Variants in TCTN2 observed in about 807,000 individuals in gnomAD.
TCTN2 encodes tectonic-2.
In TCTN2, 66 loss-of-function variants were observed where a neutral mutation model predicts 83.4. The observed-to-expected ratio is 0.79, with a 90% confidence interval of 0.65 to 0.97. TCTN2 has a LOEUF of 0.97. TCTN2 is among the 50% of genes least tolerant of loss of function. TCTN2 has a pLI of 0.00. For synonymous variants in TCTN2, 301 were observed against 326.7 expected, an observed-to-expected ratio of 0.92 and a Z score of 0.85; for missense variants, 794 against 858.1, an observed-to-expected ratio of 0.93 and a Z score of 0.93.
At chr12:123,696,231 C>G in intron 11 of TCTN2, 184 bp from the exon 12 acceptor site, 1 of 603,380 alleles carries the variant, frequency 1.7e-6, no homozygotes. Context: ...AAATGTGAAG[C>G]ATTCTTTCTC....
At chr12:123,687,077 C>T (rs1022757409) in intron 6 of TCTN2, 42 bp downstream of exon 6, 2 of 1,611,634 alleles carry the variant, frequency 1.2e-6, no homozygotes, top group African/African-American at 2.7e-5. Flanking sequence ...CATTGTTCTC[C>T]CGCCCTGGTG....
intron 12 of TCTN2, 22 bp from the exon 13 acceptor site, chr12:123,697,065 G>A (rs769606016): frequency 6.4e-7 from 1 of 1,573,870 alleles, no homozygotes. Context: ...AGTAGCAAGA[G>A]GATAATCTTT....
At chr12:123,692,996 A>T (rs1419960801) in intron 9 of TCTN2, among the ~76,000 whole-genome samples, 1 of 148,612 alleles carries the variant, frequency 6.7e-6, no homozygotes, top group African/African-American at 2.5e-5. Context: ...CCTTTCCTTA[A>T]ATGTTTGATA....
intron 4 of TCTN2, among the ~76,000 whole-genome samples, chr12:123,676,239 C>T (rs1217144236): frequency 6.6e-6 from 1 of 151,918 alleles, no homozygotes; most frequent in Admixed American, 6.6e-5. Flanking sequence ...AGGATTGCTC[C>T]ATGTACTCCA....
At chr12:123,687,184 A>G (rs751456585) in intron 6 of TCTN2, 149 bp downstream of exon 6, 2 of 878,276 alleles carry the variant, frequency 2.3e-6, no homozygotes, top group East Asian at 2.5e-5. Context: ...GATTTCAGTT[A>G]GCCAATTTAT....
At chr12:123,696,265 C>G in intron 11 of TCTN2, 150 bp from the exon 12 acceptor site, 1 of 677,664 alleles carries the variant, frequency 1.5e-6, no homozygotes, top group Non-Finnish European at 2.7e-6. Flanking sequence ...TTTTTTGAGA[C>G]CCGAAGTTGC....
At chr12:123,671,426 C>T (rs1955749081) in intron 1 of TCTN2, 81 bp from the exon 2 acceptor site, 1 of 1,589,832 alleles carries the variant, frequency 6.3e-7, no homozygotes, top group Non-Finnish European at 8.6e-7. Flanking sequence ...GTCGACAACG[C>T]CAAAGCAAGC....
chr12:123,678,586 C>G (rs972477169), intron 4 of TCTN2, among the ~76,000 whole-genome samples: 1 of 152,016 alleles, frequency 6.6e-6, no homozygotes, highest in South Asian at 2.1e-4. Flanking sequence ...CCCCGCCCAG[C>G]CTAAAATCAG....
rs780713562 is a variant in TCTN2, at chr12:123,688,084, T to C, written c.798T>C (p.Tyr266=). Residue 266 remains tyrosine (Y), a synonymous_variant, in exon 7 of 18, where the codon TAT becomes TAC. Coordinates refer to ENST00000303372, the MANE Select transcript of TCTN2 (RefSeq NM_024809.5). ...AACAGGACTCTTCCTTTGAAGTATATGTGGATACTGACGCAAAAGACTTTG... is the reference window on the plus strand; with the variant it reads ...AACAGGACTCTTCCTTTGAAGTATACGTGGATACTGACGCAAAAGACTTTG... ...SPKQDSSFEV[Y]VDTDAKDFAD... 6.2e-7 allele frequency: 1 copy of C among 1,614,132 alleles called. No individual in the cohort carries two copies. Among genetic ancestry groups the C allele is most frequent in the East Asian group, 2.2e-5 (1 of 44,882 alleles).
At chr12:123,688,306 C>G in intron 7 of TCTN2, 129 bp downstream of exon 7, 1 of 1,253,230 alleles carries the variant, frequency 8.0e-7, no homozygotes, top group Non-Finnish European at 1.1e-6. Context: ...ACCTCTGCCT[C>G]CCGGGTTCAA....
rs1408997904 is a variant in TCTN2 at position 123,706,843 on chromosome 12, CCT to C, written c.1888_1889del (p.Leu630AspfsTer11). ...IKIPAQLPHPLTRFQINYTEY... is the reference protein window; with the variant it reads ...IKIPAQLPHPXTRFQINYTEY... Reference sequence around the variant, plus strand: ...AAATTCCTGCACAGTTACCCCACCCCCTGACAAGGTACTCCAGTTGCTCACCT... The same window carrying C: ...AAATTCCTGCACAGTTACCCCACCCCGACAAGGTACTCCAGTTGCTCACCT... On this transcript the variant is annotated frameshift_variant, in exon 16 of 18. Coordinates refer to ENST00000303372, the MANE Select transcript of TCTN2 (RefSeq NM_024809.5). LOFTEE classifies it high-confidence loss of function. The C allele has an allele frequency of 2.5e-6, 4 of 1,613,980 alleles. No homozygotes were observed. The highest frequency in any genetic ancestry group is 3.4e-6 in the Non-Finnish European group (4 of 1,180,022).
intron 14 of TCTN2, among the ~76,000 whole-genome samples, chr12:123,702,614 A>T (rs911939489): frequency 1.3e-5 from 2 of 152,088 alleles, no homozygotes; most frequent in East Asian, 1.9e-4. Flanking sequence ...CTAGATCCTC[A>T]TTTGCAAACG....
rs143746467 is a variant in TCTN2 at position 123,694,537 on chromosome 12, C to T, written c.1100-305C>T. 5.0e-3 allele frequency among the ~76,000 whole-genome samples: 766 copies of T among 152,370 alleles called. 8 individuals carry two copies. The highest frequency in any genetic ancestry group is 0.017 in the African/African-American group (696 of 41,588). ...ACTGACCCTCTGGTCTTTCATCTCA[C>T]AAACATTTTACCAAGTGCATGCTCC... On this transcript the variant is annotated intron_variant, in intron 9 of 17. Transcript: ENST00000303372.
chr12:123,693,376 C>CTTTTTTTT (rs373196834), intron 9 of TCTN2, among the ~76,000 whole-genome samples: 1 of 92,938 alleles, frequency 1.1e-5, no homozygotes, highest in Non-Finnish European at 2.1e-5. Flanking sequence ...GCTTTCTTTC[C>CTTTTTTTT]TTTTTTTTTT....
rs1169250998 is a variant in TCTN2, at chr12:123,707,977, A to T, written c.*264A>T. 15 of 375,628 alleles carry T rather than the reference A, an allele frequency of 4.0e-5. No homozygotes were observed. Among genetic ancestry groups the T allele is most frequent in the African/African-American group, 6.9e-5 (3 of 43,602 alleles). 23.3% of individuals were successfully genotyped at this position (375,628 alleles called of 1,614,324 possible). A position where few individuals can be genotyped will look rare whatever the true frequency, so the allele number is the denominator to read the frequency against. On this transcript the variant is annotated 3_prime_UTR_variant, in exon 18 of 18. Transcript: ENST00000303372. ...CCCATCTTGGCCTCCCAAAGTGCTGAGATTACAGGCATGAGCCACCGCACC... is the reference window on the plus strand; with the variant it reads ...CCCATCTTGGCCTCCCAAAGTGCTGTGATTACAGGCATGAGCCACCGCACC...
chr12:123,705,847 A>G (rs11837257), intron 15 of TCTN2, among the ~76,000 whole-genome samples: 1,670 of 149,824 alleles, frequency 0.011, 18 homozygotes, highest in South Asian at 0.031. Flanking sequence ...ACCTCCACCA[A>G]CCGGGTTCAA....
At chr12:123,692,857 G>T in intron 9 of TCTN2, 134 bp downstream of exon 9, 1 of 769,050 alleles carries the variant, frequency 1.3e-6, no homozygotes. Flanking sequence ...AGATCTGCCA[G>T]GAACATTTCA....
rs3071665 is a variant in TCTN2, at chr12:123,685,718, CT to C, written c.565-1095del. On this transcript the variant is annotated intron_variant, in intron 5 of 17. Transcript: ENST00000303372. ...ACAGGTGTGAGCCACTGCGCCCGGT[CT>C]TTTTTTTTTTTTTTTTTTTTTTAAG... 3.2e-3 allele frequency among the ~76,000 whole-genome samples: 347 copies of C among 109,430 alleles called. 2 individuals are homozygous for C. Among genetic ancestry groups the C allele is most frequent in the Middle Eastern group, 0.016 (3 of 184 alleles). The allele number at this position is 109,430 out of a possible 152,430, so 71.8% of individuals were successfully genotyped here.
chr12:123,695,030 C>G, intron 10 of TCTN2, 54 bp downstream of exon 10: 1 of 1,602,398 alleles, frequency 6.2e-7, no homozygotes, highest in South Asian at 1.1e-5. Flanking sequence ...TTTTTTTTTC[C>G]TCTTTTCAAG....
Sources: allele counts gnomAD v4.1 joint callset (sites outside exome capture counted in the v4.1 genomes callset), GRCh38; gene constraint gnomAD v4.1.1; transcripts MANE v1.5; gene names NCBI Gene and HGNC (gene_info 2026-07-23, HGNC 2026-07-21).